The following ZNF800 variants were observed in gnomAD, a reference collection of about 807,000 sequenced individuals.
ZNF800 encodes zinc finger protein 800.
In ZNF800, 13 loss-of-function variants were observed where a neutral mutation model predicts 59.5. The observed-to-expected ratio is 0.22, with a 90% CI of 0.14 to 0.35. The LOEUF (loss-of-function observed/expected upper bound fraction) is 0.35, where lower values mean the gene tolerates loss of function less well. ZNF800 is among the 10% of genes least tolerant of loss of function. The pLI is 1.00. For synonymous variants in ZNF800, 266 were observed against 265.7 expected, an observed-to-expected ratio of 1.00 and a Z score of -0.01; for missense variants, 621 against 783.7, an observed-to-expected ratio of 0.79 and a Z score of 2.48.
chr7:127,356,483 T>C (rs1294792522), intron 1 of ZNF800, among the ~76,000 whole-genome samples: 1 of 152,038 alleles, frequency 6.6e-6, no homozygotes, highest in African/African-American at 2.4e-5. Flanking sequence ...GTTACAATCC[T>C]TCAAACACCC....
chr7:127,385,207 G>A (rs1008413064), intron 3 of ZNF800, among the ~76,000 whole-genome samples: 2 of 152,110 alleles, frequency 1.3e-5, no homozygotes, highest in African/African-American at 4.8e-5. Flanking sequence ...TTTTCATTCA[G>A]TTAGTTAAGA....
Position 127,373,896 on chromosome 7 carries a change from G to C in ZNF800, c.1440C>G (p.Gly480=). The part of the protein sequence containing the change: ...QKTRKPKLSA[G]FDFKQLYCKL... ...TACAGTAAAGTTGCTTAAAGTCAAA[G>C]CCAGCTGAAAGTTTTGGTTTTCTGG... is the stretch of plus-strand genomic sequence containing the variant. The change falls in exon 5 of 6, where the codon GGC becomes GGG. Residue 480 remains glycine (G), a synonymous_variant. Coordinates refer to ENST00000265827, the MANE Select transcript of ZNF800 (RefSeq NM_176814.5). 6.2e-7 allele frequency: 1 copy of C among 1,614,150 alleles called. No individual in the cohort carries two copies. Among genetic ancestry groups the C allele is most frequent in the Non-Finnish European group, 8.5e-7 (1 of 1,180,020 alleles).
At chr7:127,355,072 T>G (rs367865909) in intron 1 of ZNF800, among the ~76,000 whole-genome samples, 1 of 152,182 alleles carries the variant, frequency 6.6e-6, no homozygotes, top group East Asian at 1.9e-4. Context: ...TATAAAGAGG[T>G]AGAATTTTGT....
downstream of ZNF800, among the ~76,000 whole-genome samples, chr7:127,344,925 C>T (rs911055445): frequency 6.6e-6 from 1 of 151,944 alleles, no homozygotes. Flanking sequence ...AAAGAGAAGA[C>T]CTCTTTAAAC....
chr7:127,391,552 A>G lies in ZNF800; in HGVS notation c.6T>C (p.Pro2=). M[P]LRDKYCQTDH... ...CAGTCTGACAGTATTTGTCCCTTAA[A>G]GGCATTTTCAGTGGACTCGACCTAC... Residue 2 remains proline (P), a synonymous_variant, in exon 2 of 6, where the codon CCT becomes CCC. Transcript: ENST00000265827. 6.2e-7 allele frequency: 1 copy of G among 1,614,166 alleles called. No homozygotes were observed. Among genetic ancestry groups the G allele is most frequent in the Non-Finnish European group, 8.5e-7 (1 of 1,180,022 alleles).
chr7:127,346,146 G>C (rs541477405), downstream of ZNF800, among the ~76,000 whole-genome samples: 7 of 152,212 alleles, frequency 4.6e-5, no homozygotes, highest in African/African-American at 1.4e-4. Flanking sequence ...AGGTAACTGG[G>C]TTGGAGGATC....
At chr7:127,372,116 T>C (rs1234386681) in intron 5 of ZNF800, among the ~76,000 whole-genome samples, 1 of 152,198 alleles carries the variant, frequency 6.6e-6, no homozygotes, top group African/African-American at 2.4e-5. Context: ...GCGAAAAGTA[T>C]AGGGAGTCTA....
At chr7:127,391,739 C>G (rs1372723245) in intron 1 of ZNF800, 124 bp from the exon 2 acceptor site, 45 of 629,636 alleles carry the variant, frequency 7.1e-5, no homozygotes, top group Non-Finnish European at 2.9e-6. Context: ...ACCTCCCTCT[C>G]GAAAAGAAAA....
exon 2 of ZNF800, chr7:127,347,673 G>C (rs888505114): frequency 3.9e-5 from 6 of 152,414 alleles, no homozygotes; most frequent in African/African-American, 1.4e-4. Context: ...AGAGGGCTTC[G>C]CGGGAGAGTT....
chr7:127,348,431 C>CA (rs72267169), intron 1 of ZNF800, among the ~76,000 whole-genome samples: 4,483 of 130,968 alleles, frequency 0.034, 191 homozygotes, highest in African/African-American at 0.1. Flanking sequence ...AAAAAAATGG[C>CA]AAAAAAAAAA....
At chr7:127,373,077 C>T in intron 5 of ZNF800, 1 of 985,382 alleles carries the variant, frequency 1.0e-6, no homozygotes, top group Non-Finnish European at 1.2e-6. Context: ...AAAAGGAAAG[C>T]ACTGACCCTG....
In ZNF800 at chr7:127,353,063, T is replaced by C. The variant is rs1215484929; in HGVS notation, n.225-5020A>G. On this transcript the variant is annotated intron_variant and non_coding_transcript_variant, in intron 1 of 1. Transcript: ENST00000485577. ...TTTTCCCCCCAATGGCACCGATAAGTACTTATTTTGCTTATTAAAAGAATC... is the reference window on the plus strand; with the variant it reads ...TTTTCCCCCCAATGGCACCGATAAGCACTTATTTTGCTTATTAAAAGAATC... Among the ~76,000 whole-genome samples, 7 of 152,280 alleles carry C rather than the reference T, an allele frequency of 4.6e-5. No individual in the cohort carries two copies. In the East Asian group the frequency reaches 1.4e-3, roughly 29 times the overall value.
chr7:127,373,432 T>C lies in ZNF800; in HGVS notation c.1904A>G (p.His635Arg). 1.2e-6 allele frequency: 2 copies of C among 1,614,138 alleles called. No homozygotes were observed. Among genetic ancestry groups the C allele is most frequent in the South Asian group, 2.2e-5 (2 of 91,080 alleles). The change falls in exon 5 of 6, where the codon CAT becomes CGT. Residue 635 changes from histidine (H) to arginine (R), a missense_variant. Physicochemically the swap from His to Arg is conservative, Grantham distance 29. Around this residue, in one of 7 missense-constraint regions of ZNF800, gnomAD observed 94 missense variants for 108.5 expected, o/e 0.87. Coordinates refer to ENST00000265827, the MANE Select transcript of ZNF800 (RefSeq NM_176814.5). ...ATTTGCCTTATGAGTTTTCTTATGA[T>C]GTTCAAGGTAAGTCTTTTTGGCAAA... The part of the protein sequence containing the change: ...KAFAKKTYLE[H>R]HKKTHKANAS...
At position 127,373,821 on chromosome 7, in the gene ZNF800, G is replaced by T; in HGVS notation, c.1515C>A (p.Ile505=). 1.2e-6 allele frequency: 2 copies of T among 1,614,048 alleles called. No homozygotes were observed. The highest frequency in any genetic ancestry group is 1.1e-5 in the South Asian group (1 of 91,060). The part of the protein sequence containing the change: ...FTSKQNLTKH[I]ELHTDGNNIY... ...TGTTATTTCCATCTGTGTGCAACTCGATGTGTTTAGTCAAGTTCTGTTTGG... is the reference window on the plus strand; with the variant it reads ...TGTTATTTCCATCTGTGTGCAACTCTATGTGTTTAGTCAAGTTCTGTTTGG... Residue 505 remains isoleucine, a synonymous_variant, in exon 5 of 6, where the codon ATC becomes ATA. Transcript: ENST00000265827.
rs1800806958 is a variant in ZNF800, at chr7:127,377,052, TC to T, written c.301+133del. The T allele has an allele frequency of 2.6e-6, 2 of 773,886 alleles. No individual in the cohort carries two copies. The highest frequency in any genetic ancestry group is 2.0e-6 in the Non-Finnish European group (1 of 509,456). The allele number at this position is 773,886 out of a possible 1,614,324, so 47.9% of individuals were successfully genotyped here. A position where few individuals can be genotyped will look rare whatever the true frequency, so the allele number is the denominator to read the frequency against. On this transcript the variant is annotated intron_variant, in intron 4 of 5. Coordinates refer to ENST00000265827, the MANE Select transcript of ZNF800 (RefSeq NM_176814.5). This position sits in a 1 kb window ranked among gnomAD's most constrained non-coding sequence, Gnocchi z 4.7. ...TATTTAATTTTATTCTCCATCTCCA[TC>T]TAAAAATTATCTGTAACTAGACATC... is the stretch of plus-strand genomic sequence containing the variant.
At chr7:127,353,035 GT>G (rs1051710687) in intron 1 of ZNF800, among the ~76,000 whole-genome samples, 52 of 152,060 alleles carry the variant, frequency 3.4e-4, no homozygotes, top group African/African-American at 1.0e-3. Context: ...GGCCAAAGTG[GT>G]TTTTTCCCCC....
chr7:127,360,577 C>A (rs1800374898), intron 1 of ZNF800: 1 of 151,928 alleles, frequency 6.6e-6, no homozygotes, highest in African/African-American at 2.4e-5. Context: ...TTTGCTGGAA[C>A]AAAATACATT....
chr7:127,387,042 T>C (rs887382054), intron 2 of ZNF800, among the ~76,000 whole-genome samples: 21 of 152,110 alleles, frequency 1.4e-4, no homozygotes, highest in African/African-American at 4.8e-4. Flanking sequence ...GACACATTTT[T>C]ACAATAAGTA....
intron 1 of ZNF800, among the ~76,000 whole-genome samples, chr7:127,354,260 A>G (rs558497866): frequency 2.0e-5 from 3 of 152,220 alleles, no homozygotes; most frequent in South Asian, 4.1e-4. Context: ...ATTTATCATA[A>G]ATCAGTGACC....
Sources: gnomAD v4.1 joint callset for allele counts (sites outside exome capture counted in the v4.1 genomes callset) on GRCh38, gnomAD v4.1.1 for gene constraint, gnomAD v4.1.1 regional missense constraint, Gnocchi (gnomAD v3.1) non-coding constraint, MANE v1.5 for transcripts, NCBI Gene and HGNC (gene_info 2026-07-23, HGNC 2026-07-21) for gene names.